JAKMIP1: variants seen among roughly 807,000 people sequenced by gnomAD.
JAKMIP1 encodes janus kinase and microtubule interacting protein 1, also known as janus kinase and microtubule-interacting protein 1.
JAKMIP1 carries 33 observed loss-of-function variants against 113.0 expected under a neutral mutation model. The ratio of observed to expected loss-of-function variants is 0.29; its 90% CI spans 0.22 to 0.39. The LOEUF is 0.39. JAKMIP1 is among the 10% of genes least tolerant of loss of function. JAKMIP1 has a pLI of 1.00. For missense variants in JAKMIP1, 813 were observed against 1,080.5 expected, an observed-to-expected ratio of 0.75 and a Z score of 3.47; for synonymous variants, 480 against 459.9, an observed-to-expected ratio of 1.04 and a Z score of -0.56.
intron 1 of JAKMIP1, among the ~76,000 whole-genome samples, chr4:6,169,471 A>G (rs1446533995): frequency 2.0e-5 from 3 of 152,146 alleles, no homozygotes; most frequent in South Asian, 2.1e-4. Flanking sequence ...ACGATCCTCC[A>G]CTAGAGCTTT....
rs1715709134 is a variant in JAKMIP1 at position 6,051,944 on chromosome 4, G to A, written c.1807-1265C>T. 6.6e-6 allele frequency among the ~76,000 whole-genome samples: 1 copy of A among 152,106 alleles called. No individual in the cohort carries two copies. The highest frequency in any genetic ancestry group is 1.5e-5 in the Non-Finnish European group (1 of 68,014). On this transcript the variant is annotated intron_variant, in intron 13 of 20. Coordinates refer to ENST00000409021, the MANE Select transcript of JAKMIP1 (RefSeq NM_001099433.2). This position sits in a 1 kb window ranked among gnomAD's most constrained non-coding sequence, Gnocchi z 5.0. Reference sequence around the variant, plus strand: ...TTTAGTTTGAGCAGAGTTACGGTAAGGTAAAAAATAACATGCTTTGGGCCA... The same window carrying A: ...TTTAGTTTGAGCAGAGTTACGGTAAAGTAAAAAATAACATGCTTTGGGCCA...
chr4:6,034,673 G>A (rs996766969), intron 19 of JAKMIP1, among the ~76,000 whole-genome samples: 1 of 152,156 alleles, frequency 6.6e-6, no homozygotes, highest in Admixed American at 6.5e-5. Flanking sequence ...GTGGTGGCGG[G>A]TGCCTATAAT....
rs1328915683 is a variant in JAKMIP1 at position 6,086,839 on chromosome 4, G to GT, written c.625-1211dup. On this transcript the variant is annotated intron_variant, in intron 3 of 20. Coordinates refer to ENST00000409021, the MANE Select transcript of JAKMIP1 (RefSeq NM_001099433.2). The surrounding 1 kb of genome is among the most constrained non-coding windows in gnomAD (Gnocchi z 4.1). ...AGAGAGACACAGAGGGGAAGGCCGT[G>GT]TAAGGACGGAGGCAGAGGCTGGAGG... Among the ~76,000 whole-genome samples the GT allele has an allele frequency of 6.6e-6, 1 of 152,086 alleles. No individual in the cohort carries two copies. Among genetic ancestry groups the GT allele is most frequent in the African/African-American group, 2.4e-5 (1 of 41,422 alleles).
In JAKMIP1 at chr4:6,094,006, G is replaced by A. The variant is rs1722459870; in HGVS notation, c.625-8377C>T. 1.3e-5 allele frequency among the ~76,000 whole-genome samples: 2 copies of A among 151,948 alleles called. No individual in the cohort carries two copies. The highest frequency in any genetic ancestry group is 1.3e-4 in the Admixed American group (2 of 15,248). ...CCTCCCAAGCAGAGATCACATGGGA[G>A]CGGGTGTCACCTGTCACCCCAGTAG... On this transcript the variant is annotated intron_variant, in intron 3 of 20. Transcript: ENST00000409021. This position sits in a 1 kb window ranked among gnomAD's most constrained non-coding sequence, Gnocchi z 4.2.
intron 20 of JAKMIP1, among the ~76,000 whole-genome samples, chr4:6,027,669 T>C (rs1712044323): frequency 6.6e-6 from 1 of 152,158 alleles, no homozygotes; most frequent in Non-Finnish European, 1.5e-5. Flanking sequence ...GCAACTCCCT[T>C]CTGTGGCAAA....
chr4:6,087,557 GA>G (rs1193937318), intron 3 of JAKMIP1, among the ~76,000 whole-genome samples: 2 of 152,252 alleles, frequency 1.3e-5, no homozygotes, highest in African/African-American at 4.8e-5. Flanking sequence ...GAGAAGAAAG[GA>G]AATGGTACTC....
In JAKMIP1 at chr4:6,092,199, A is replaced by C. The variant is rs561925842; in HGVS notation, c.625-6570T>G. Among the ~76,000 whole-genome samples the C allele has an allele frequency of 5.9e-5, 9 of 151,734 alleles. No individual in the cohort carries two copies. In the East Asian group the frequency reaches 1.6e-3, roughly 26 times the overall value. ...CCAGCCGTCCTCACCTGAAGAGCAC[A>C]CTCCAGGTGTGGTGGAATCCCGGCC... On this transcript the variant is annotated intron_variant, in intron 3 of 20. Coordinates refer to ENST00000409021, the MANE Select transcript of JAKMIP1 (RefSeq NM_001099433.2).
intron 1 of JAKMIP1, among the ~76,000 whole-genome samples, chr4:6,134,506 T>A (rs1332228049): frequency 6.6e-6 from 1 of 152,174 alleles, no homozygotes; most frequent in Non-Finnish European, 1.5e-5. Context: ...TCCTCTGGGA[T>A]GCTTTAGCTG....
chr4:6,119,485 G>A (rs941020617), intron 1 of JAKMIP1, among the ~76,000 whole-genome samples: 9 of 151,866 alleles, frequency 5.9e-5, no homozygotes, highest in South Asian at 4.2e-4. Flanking sequence ...TGGAGGTTGC[G>A]GTGAGCCGAG....
In JAKMIP1 at chr4:6,150,084, C is replaced by T. The variant is rs999366866; in HGVS notation, c.-147-37087G>A. Reference sequence around the variant, plus strand: ...GAAACACGCCTACAAGTTTGTGGAGCGCCTGCCATATGCCAAGCTCTGGGG... The same window carrying T: ...GAAACACGCCTACAAGTTTGTGGAGTGCCTGCCATATGCCAAGCTCTGGGG... On this transcript the variant is annotated intron_variant, in intron 1 of 20. Coordinates refer to ENST00000409021, the MANE Select transcript of JAKMIP1 (RefSeq NM_001099433.2). This position sits in a 1 kb window ranked among gnomAD's most constrained non-coding sequence, Gnocchi z 4.8. Among the ~76,000 whole-genome samples the T allele has an allele frequency of 2.0e-5, 3 of 152,150 alleles. No individual in the cohort carries two copies. Among genetic ancestry groups the T allele is most frequent in the Admixed American group, 6.5e-5 (1 of 15,274 alleles).
In JAKMIP1 at chr4:6,117,316, G is replaced by A. The variant is rs993467045; in HGVS notation, c.-147-4319C>T. On this transcript the variant is annotated intron_variant, in intron 1 of 20. Coordinates refer to ENST00000409021, the MANE Select transcript of JAKMIP1 (RefSeq NM_001099433.2). The stretch of plus-strand genomic sequence containing the variant: ...ACAAAAGAGAGAAATTTTAAAGCTG[G>A]GCGTCCGGGGGAGACATCACTCATT... Among the ~76,000 whole-genome samples the A allele has an allele frequency of 5.3e-5, 8 of 152,218 alleles. No homozygotes were observed. The South Asian group carries it at 1.5e-3, about 28-fold the overall frequency.
chr4:6,114,349 G>A (rs1241945950), intron 1 of JAKMIP1, among the ~76,000 whole-genome samples: 1 of 152,206 alleles, frequency 6.6e-6, no homozygotes, highest in African/African-American at 2.4e-5. Context: ...AAGAGGTCAA[G>A]GTGAGGACCT....
Position 6,137,960 on chromosome 4 carries a change from T to G in JAKMIP1, c.-147-24963A>C, listed in dbSNP as rs1476153809. Among the ~76,000 whole-genome samples the G allele has an allele frequency of 1.3e-5, 2 of 152,142 alleles. No homozygotes were observed. The highest frequency in any genetic ancestry group is 2.9e-5 in the Non-Finnish European group (2 of 68,020). On this transcript the variant is annotated intron_variant, in intron 1 of 20. Transcript: ENST00000409021. The surrounding 1 kb of genome is among the most constrained non-coding windows in gnomAD (Gnocchi z 4.5). ...CACCATGGCCTTCTCCTTCCTGGCT[T>G]GCAGCTGAGGCTGTAACCAGCTCTG...
In JAKMIP1 at chr4:6,085,518, G is replaced by A. The variant is rs771410465; in HGVS notation, c.736C>T (p.Gln246Ter). The A allele has an allele frequency of 6.2e-7, 1 of 1,614,202 alleles. No individual in the cohort carries two copies. Among genetic ancestry groups the A allele is most frequent in the Non-Finnish European group, 8.5e-7 (1 of 1,180,052 alleles). ...TCGGCCTCCTTGACCTGAACCAGCT[G>A]CTCATCCAAAGCCTCTTTCTGCAGA... is the stretch of plus-strand genomic sequence containing the variant. ...LLLQKEALDEQLVQVKEAERH... is the reference protein window; with the variant it reads ...LLLQKEALDE Residue 246 changes from glutamine (Q) to a stop codon, truncating the protein, a stop_gained, in exon 4 of 21, where the codon CAG (glutamine) becomes TAG (stop). Coordinates refer to ENST00000409021, the MANE Select transcript of JAKMIP1 (RefSeq NM_001099433.2). LOFTEE classifies it high-confidence loss of function.
intron 1 of JAKMIP1, among the ~76,000 whole-genome samples, chr4:6,171,040 TCAC>T (rs928933461): frequency 4.9e-5 from 7 of 143,828 alleles, no homozygotes; most frequent in African/African-American, 7.8e-5. Flanking sequence ...ATCACCACCC[TCAC>T]CACCATCACC....
At chr4:6,191,234 C>G (rs372223349) in intron 1 of JAKMIP1, among the ~76,000 whole-genome samples, 1 of 152,216 alleles carries the variant, frequency 6.6e-6, no homozygotes, top group Non-Finnish European at 1.5e-5. Flanking sequence ...AGGCTCCAGA[C>G]TCCAGACAGC....
intron 13 of JAKMIP1, among the ~76,000 whole-genome samples, chr4:6,053,219 C>G (rs1444687858): frequency 6.6e-6 from 1 of 152,120 alleles, no homozygotes; most frequent in Non-Finnish European, 1.5e-5. Context: ...AGTAACACAC[C>G]CGAGGTAAGA....
At chr4:6,152,433 T>C (rs1273400601) in intron 1 of JAKMIP1, among the ~76,000 whole-genome samples, 1 of 152,150 alleles carries the variant, frequency 6.6e-6, no homozygotes, top group East Asian at 1.9e-4. Context: ...TGCCTGCTGC[T>C]CTGCATCCTA....
chr4:6,084,870 C>T lies in JAKMIP1; in HGVS notation c.930G>A (p.Leu310=). 6.2e-7 allele frequency: 1 copy of T among 1,603,038 alleles called. No individual in the cohort carries two copies. The highest frequency in any genetic ancestry group is 1.1e-5 in the South Asian group (1 of 90,412). ...CCAGTTCATTCCTCTCATCTGCCAA[C>T]AGCGTATTTCTGTCTTCCAGCTTCC... ...VIRKLEDRNT[L]LADERNELLK... Residue 310 remains leucine (L), a synonymous_variant, in exon 5 of 21, where the codon CTG becomes CTA. Coordinates refer to ENST00000409021, the MANE Select transcript of JAKMIP1 (RefSeq NM_001099433.2).
Sources: allele counts gnomAD v4.1 joint callset (sites outside exome capture counted in the v4.1 genomes callset), GRCh38; gene constraint gnomAD v4.1.1; non-coding constraint Gnocchi (gnomAD v3.1); transcripts MANE v1.5; gene names NCBI Gene and HGNC (gene_info 2026-07-23, HGNC 2026-07-21).